TAX1BP1: variants seen among roughly 807,000 people sequenced by gnomAD.
The protein encoded by TAX1BP1 is tax1-binding protein 1.
Under a neutral mutation model 97.7 loss-of-function variants are expected in TAX1BP1, and 62 were observed. The ratio of observed to expected loss-of-function variants is 0.63; its 90% CI spans 0.52 to 0.78. The LOEUF is 0.78. Among genes scored for constraint, TAX1BP1 ranks in the 30% least tolerant of loss-of-function variants. TAX1BP1 has a pLI of 0.00. For synonymous variants in TAX1BP1, 340 were observed against 304.2 expected (o/e 1.12, Z -1.23); for missense variants, 867 against 916.1 (o/e 0.95, Z 0.69).
intron 3 of TAX1BP1, among the ~76,000 whole-genome samples, chr7:27,763,543 G>T (rs1788508801): frequency 6.6e-6 from 1 of 152,170 alleles, no homozygotes; most frequent in South Asian, 2.1e-4. Flanking sequence ...GGGGCGGGTG[G>T]ATTACCTGAG....
intron 5 of TAX1BP1, among the ~76,000 whole-genome samples, chr7:27,780,739 C>T (rs1251558537): frequency 1.3e-5 from 2 of 152,022 alleles, no homozygotes. Context: ...GTATACATAG[C>T]AATATATTTC....
intron 2 of TAX1BP1, among the ~76,000 whole-genome samples, chr7:27,752,220 C>T (rs1788045034): frequency 1.3e-5 from 2 of 152,116 alleles, no homozygotes; most frequent in South Asian, 4.1e-4. Context: ...AAGTAGAATT[C>T]ATAGGATATG....
At chr7:27,803,195 A>T in intron 13 of TAX1BP1, 2 of 1,516,998 alleles carry the variant, frequency 1.3e-6, no homozygotes, top group Non-Finnish European at 1.8e-6. Context: ...TGAGCAATGT[A>T]GTTAAACAAA....
intron 12 of TAX1BP1, among the ~76,000 whole-genome samples, chr7:27,798,248 A>G (rs910300179): frequency 6.6e-6 from 1 of 151,908 alleles, no homozygotes; most frequent in Non-Finnish European, 1.5e-5. Context: ...CGGCTGGTAC[A>G]AATAAAGCTG....
chr7:27,782,513 G>A (rs1203439803), intron 5 of TAX1BP1, among the ~76,000 whole-genome samples: 1 of 152,196 alleles, frequency 6.6e-6, no homozygotes, highest in East Asian at 1.9e-4. Flanking sequence ...GCCCCCCAAA[G>A]TGCTGGGATT....
chr7:27,763,813 T>A (rs1343056616), intron 3 of TAX1BP1, among the ~76,000 whole-genome samples: 1 of 152,158 alleles, frequency 6.6e-6, no homozygotes, highest in African/African-American at 2.4e-5. Flanking sequence ...TTTGTACAGT[T>A]TCTAATGTCT....
chr7:27,775,871 A>G (rs762762990), intron 5 of TAX1BP1, among the ~76,000 whole-genome samples: 3 of 151,990 alleles, frequency 2.0e-5, no homozygotes, highest in South Asian at 2.1e-4. Flanking sequence ...TGTGGATCCT[A>G]TTTTGTTCTT....
chr7:27,743,798 T>A (rs1562692567), intron 1 of TAX1BP1, among the ~76,000 whole-genome samples: 1 of 498 alleles, frequency 2.0e-3, no homozygotes, highest in Non-Finnish European at 2.7e-3. Flanking sequence ...TTTTTTTTTT[T>A]TTTTTTTTTT....
At chr7:27,795,662 C>T (rs893615415) in intron 11 of TAX1BP1, among the ~76,000 whole-genome samples, 1 of 152,136 alleles carries the variant, frequency 6.6e-6, no homozygotes. Context: ...AAGCAATTCT[C>T]CTGCCTCAGC....
At chr7:27,814,358 C>G (rs902940367) in intron 13 of TAX1BP1, among the ~76,000 whole-genome samples, 4 of 151,962 alleles carry the variant, frequency 2.6e-5, no homozygotes, top group South Asian at 2.1e-4. Flanking sequence ...TATTACAGGA[C>G]CTTTGTGTTT....
chr7:27,739,431 G>A (rs1371129800), upstream of TAX1BP1: 2 of 152,144 alleles, frequency 1.3e-5, no homozygotes, highest in East Asian at 1.9e-4. Context: ...GTGGAGTTAC[G>A]ATTCAAACTG....
intron 13 of TAX1BP1, among the ~76,000 whole-genome samples, chr7:27,807,961 A>G (rs1790405376): frequency 6.6e-6 from 1 of 152,182 alleles, no homozygotes; most frequent in Admixed American, 6.5e-5. Flanking sequence ...GAGCCCCTGC[A>G]TACTAGCTCT....
At chr7:27,796,450 A>G (rs1217450244) in intron 12 of TAX1BP1, among the ~76,000 whole-genome samples, 7 of 152,204 alleles carry the variant, frequency 4.6e-5, no homozygotes, top group Admixed American at 1.3e-4. Flanking sequence ...TTCACCTAAT[A>G]AAATGTTCTT....
chr7:27,825,157 GTGTGATCTA>G (rs1283540265), intron 15 of TAX1BP1, among the ~76,000 whole-genome samples: 15 of 40,874 alleles, frequency 3.7e-4, no homozygotes, highest in Non-Finnish European at 7.4e-4. Flanking sequence ...TAGTAAGGCT[GTGTGATCTA>G]TTACTAATAG....
In TAX1BP1 at chr7:27,792,080, C is replaced by G; in HGVS notation, c.1113C>G (p.Val371=). Residue 371 remains valine, a synonymous_variant, in exon 9 of 17, where the codon GTC becomes GTG. Transcript: ENST00000396319. ...TTCAGGCAACTCGGCAAGAAGTTGTCTTTCTGGCTAAAGAACTCAGTGATG... is the reference window on the plus strand; with the variant it reads ...TTCAGGCAACTCGGCAAGAAGTTGTGTTTCTGGCTAAAGAACTCAGTGATG... The part of the protein sequence containing the change: ...EQVQATRQEV[V]FLAKELSDAV... 6.2e-7 allele frequency: 1 copy of G among 1,614,082 alleles called. No individual in the cohort carries two copies. Among genetic ancestry groups the G allele is most frequent in the Non-Finnish European group, 8.5e-7 (1 of 1,180,020 alleles).
chr7:27,805,281 T>C (rs1790293817), intron 13 of TAX1BP1, among the ~76,000 whole-genome samples: 2 of 152,238 alleles, frequency 1.3e-5, no homozygotes, highest in South Asian at 2.1e-4. Context: ...ATCTTATCTT[T>C]TTTGTGAGTT....
At chr7:27,802,861 CAAAA>C (rs757714872) in intron 13 of TAX1BP1, among the ~76,000 whole-genome samples, 16 of 151,270 alleles carry the variant, frequency 1.1e-4, no homozygotes, top group East Asian at 3.9e-4. Context: ...AAAAAAAACA[CAAAA>C]AAAGGGCATG....
At chr7:27,792,348 AT>A in intron 9 of TAX1BP1, 118 bp downstream of exon 9, 1 of 963,852 alleles carries the variant, frequency 1.0e-6, no homozygotes, top group South Asian at 1.8e-5. Flanking sequence ...TAAATTTAAA[AT>A]TTTCATTCCT....
rs1258272443 is a variant in TAX1BP1, at chr7:27,816,953, G to A, written c.2000G>A (p.Trp667Ter). ...IQRPPVRVPS[W>*]GLEDNVVCSQ... is the part of the protein sequence containing the mutation. ...AGGCCACCTGTCAGAGTCCCCTCTTGGGGACTGGAAGACAATGTTGTCTGC... is the reference window on the plus strand; with the variant it reads ...AGGCCACCTGTCAGAGTCCCCTCTTAGGGACTGGAAGACAATGTTGTCTGC... The change falls in exon 15 of 17, where the codon TGG (tryptophan) becomes TAG (stop). Residue 667 changes from tryptophan to a stop codon, truncating the protein, a stop_gained. Transcript: ENST00000396319. LOFTEE classifies it high-confidence loss of function. The A allele has an allele frequency of 6.2e-7, 1 of 1,614,074 alleles. No individual in the cohort carries two copies. The highest frequency in any genetic ancestry group is 1.1e-5 in the South Asian group (1 of 91,080).
Sources: gnomAD v4.1 joint callset for allele counts (sites outside exome capture counted in the v4.1 genomes callset) on GRCh38, gnomAD v4.1.1 for gene constraint, MANE v1.5 for transcripts, NCBI Gene and HGNC (gene_info 2026-07-23, HGNC 2026-07-21) for gene names.